TOX2: variants seen among roughly 807,000 people sequenced by gnomAD.
The protein encoded by TOX2 is TOX high mobility group box family member 2, also known as granulosa cell HMG box 1.
TOX2 carries 15 observed loss-of-function variants against 47.4 expected under a neutral mutation model. The ratio of observed to expected loss-of-function variants is 0.32; its 90% CI spans 0.21 to 0.49. The LOEUF (loss-of-function observed/expected upper bound fraction) is 0.49. Among genes scored for constraint, TOX2 ranks in the 20% least tolerant of loss-of-function variants. The probability of loss-of-function intolerance (pLI) is 0.99; values close to 1 mark genes in which losing one functional copy is unlikely to be tolerated. For missense variants in TOX2, 622 were observed against 673.1 expected, an observed-to-expected ratio of 0.92 and a Z score of 0.84; for synonymous variants, 290 against 296.6, an observed-to-expected ratio of 0.98 and a Z score of 0.23.
intron 2 of TOX2, among the ~76,000 whole-genome samples, chr20:43,978,020 A>T (rs371063677): frequency 5.9e-5 from 9 of 152,244 alleles, no homozygotes; most frequent in Admixed American, 3.3e-4. Flanking sequence ...GCAGCTTCCT[A>T]TCAAATGGGA....
chr20:44,030,858 CT>C (rs1402067106), intron 3 of TOX2, among the ~76,000 whole-genome samples: 1 of 152,196 alleles, frequency 6.6e-6, no homozygotes, highest in Non-Finnish European at 1.5e-5. Context: ...TACTCAAGGT[CT>C]ATGCAACTTT....
intron 1 of TOX2, among the ~76,000 whole-genome samples, chr20:43,965,619 A>C (rs1399768369): frequency 1.3e-5 from 2 of 152,054 alleles, no homozygotes; most frequent in African/African-American, 4.8e-5. Flanking sequence ...GGCAAAATTC[A>C]CTTGTAGATT....
intron 1 of TOX2, among the ~76,000 whole-genome samples, chr20:43,919,778 G>A (rs910489741): frequency 1.3e-5 from 2 of 152,246 alleles, no homozygotes; most frequent in East Asian, 3.9e-4. Context: ...GCGGTGTTTG[G>A]TTTTCTGTTC....
intron 1 of TOX2, among the ~76,000 whole-genome samples, chr20:43,918,989 T>C (rs977023362): frequency 4.6e-5 from 7 of 152,156 alleles, no homozygotes; most frequent in African/African-American, 1.7e-4. Context: ...TGGGGCCCAT[T>C]CCAGGAAGAG....
intron 3 of TOX2, among the ~76,000 whole-genome samples, chr20:44,011,055 C>T (rs571024289): frequency 1.3e-5 from 2 of 152,140 alleles, no homozygotes; most frequent in Admixed American, 6.5e-5. Flanking sequence ...ATCTTCACAT[C>T]GCCTTCCCTC....
intron 5 of TOX2, among the ~76,000 whole-genome samples, chr20:44,062,354 C>A (rs994123596): frequency 1.7e-4 from 25 of 147,658 alleles, no homozygotes; most frequent in African/African-American, 5.8e-4. Flanking sequence ...AGAACTCAAC[C>A]CCCTTTAACT....
chr20:44,034,204 C>A (rs2071202695), intron 3 of TOX2, among the ~76,000 whole-genome samples: 1 of 152,200 alleles, frequency 6.6e-6, no homozygotes, highest in Admixed American at 6.5e-5. Context: ...CCTCTGCACC[C>A]TCCTTATCTT....
chr20:43,980,065 A>G (rs1474676005), intron 2 of TOX2, among the ~76,000 whole-genome samples: 1 of 152,238 alleles, frequency 6.6e-6, no homozygotes. Flanking sequence ...TATTGAAGAT[A>G]TCGGCACTTC....
chr20:43,949,752 G>A (rs141193697), intron 1 of TOX2, among the ~76,000 whole-genome samples: 26 of 152,198 alleles, frequency 1.7e-4, no homozygotes, highest in East Asian at 1.9e-4. Context: ...TGCCCCCACC[G>A]TCTAGCCGCA....
chr20:44,043,741 T>C (rs1251056296), intron 3 of TOX2, among the ~76,000 whole-genome samples: 1 of 152,232 alleles, frequency 6.6e-6, no homozygotes, highest in Non-Finnish European at 1.5e-5. Context: ...AAAGGTAACA[T>C]CATAACTCTC....
chr20:44,015,763 T>C (rs1344646417), intron 3 of TOX2, among the ~76,000 whole-genome samples: 2 of 152,220 alleles, frequency 1.3e-5, no homozygotes, highest in Non-Finnish European at 2.9e-5. Flanking sequence ...CACTAACTCT[T>C]TTAGGGCACT....
chr20:43,995,284 T>C (rs1229724621), intron 2 of TOX2, among the ~76,000 whole-genome samples: 1 of 152,078 alleles, frequency 6.6e-6, no homozygotes, highest in Non-Finnish European at 1.5e-5. Context: ...AGGGGTATTA[T>C]CTGAGATGAT....
intron 8 of TOX2, 21 bp downstream of exon 8, chr20:44,066,878 G>A: frequency 1.9e-6 from 3 of 1,602,740 alleles, no homozygotes; most frequent in Non-Finnish European, 2.6e-6. Context: ...GCCCGTCCCT[G>A]CCTTTGTCCT....
intron 1 of TOX2, among the ~76,000 whole-genome samples, chr20:43,927,142 A>G (rs1047667952): frequency 6.6e-6 from 1 of 152,188 alleles, no homozygotes; most frequent in African/African-American, 2.4e-5. Context: ...TTTTTCAGAT[A>G]TTTATAACTT....
chr20:44,066,988 A>ACAGT, intron 8 of TOX2, 131 bp downstream of exon 8: 1 of 1,328,762 alleles, frequency 7.5e-7, no homozygotes, highest in Non-Finnish European at 1.0e-6. Flanking sequence ...AGCCCTGCTG[A>ACAGT]GGGGATCGAT....
At chr20:43,991,112 T>A (rs1360819515) in intron 2 of TOX2, among the ~76,000 whole-genome samples, 4 of 152,214 alleles carry the variant, frequency 2.6e-5, no homozygotes, top group African/African-American at 9.6e-5. Flanking sequence ...ACAGTTGGTG[T>A]AACTGAGGCC....
At chr20:44,024,962 A>G (rs1394551801) in intron 3 of TOX2, among the ~76,000 whole-genome samples, 1 of 152,174 alleles carries the variant, frequency 6.6e-6, no homozygotes, top group Non-Finnish European at 1.5e-5. Context: ...GCAACAGTGT[A>G]TCATGTGTAT....
intron 1 of TOX2, among the ~76,000 whole-genome samples, chr20:43,941,801 G>C (rs531383333): frequency 2.0e-5 from 3 of 152,332 alleles, no homozygotes; most frequent in Admixed American, 2.0e-4. Flanking sequence ...GCAATGATGT[G>C]ATAGGATGGG....
chr20:44,048,498 C>T (rs1200583131), intron 3 of TOX2, among the ~76,000 whole-genome samples: 7 of 148,206 alleles, frequency 4.7e-5, no homozygotes, highest in Non-Finnish European at 7.4e-5. Flanking sequence ...AAACAAAAAG[C>T]ACTGGGCCTC....
Sources: allele counts gnomAD v4.1 joint callset (sites outside exome capture counted in the v4.1 genomes callset), GRCh38; gene constraint gnomAD v4.1.1; transcripts MANE v1.5; gene names NCBI Gene and HGNC (gene_info 2026-07-23, HGNC 2026-07-21).